The following ZNF469 variants were observed in gnomAD, a reference collection of about 807,000 sequenced individuals.
The protein encoded by ZNF469 is zinc finger protein 469.
In ZNF469, 1 loss-of-function variant was observed where a neutral mutation model predicts 1.0. That is an observed-to-expected ratio of 1.00 (90% confidence interval 0.35 to 4.73). The LOEUF is 4.73. Ranked by LOEUF, ZNF469 falls within the 30% of genes most tolerant of loss-of-function variation. The pLI, the probability that ZNF469 is intolerant of heterozygous loss-of-function variation, is 0.16. For missense variants in ZNF469, 6,100 were observed against 5,356.3 expected, an observed-to-expected ratio of 1.14 and a Z score of -4.33; for synonymous variants, 2,703 against 2,363.4, an observed-to-expected ratio of 1.14 and a Z score of -4.17.
the ZNF469 span, among the ~76,000 whole-genome samples, chr16:88,253,606 C>T: frequency 4.3e-4 from 65 of 150,898 alleles, no homozygotes; most frequent in African/African-American, 1.1e-3. Flanking sequence ...GGAGTGATCT[C>T]GGCTCACTGC....
At chr16:88,341,470 T>C in the ZNF469 span, among the ~76,000 whole-genome samples, 1 of 152,206 alleles carries the variant, frequency 6.6e-6, no homozygotes, top group African/African-American at 2.4e-5. Flanking sequence ...TGGGCCACCC[T>C]CCAGGTTTCC....
the ZNF469 span, among the ~76,000 whole-genome samples, chr16:88,185,810 C>T: frequency 2.7e-4 from 41 of 150,756 alleles, no homozygotes; most frequent in African/African-American, 4.9e-4. Flanking sequence ...CGCACACACA[C>T]GCATACACGT....
At chr16:88,122,759 G>A in the ZNF469 span, among the ~76,000 whole-genome samples, 2 of 151,370 alleles carry the variant, frequency 1.3e-5, no homozygotes, top group East Asian at 3.9e-4. Flanking sequence ...TATACTTTAG[G>A]TATATATTCT....
chr16:88,127,080 C>G, the ZNF469 span, among the ~76,000 whole-genome samples: 1 of 152,208 alleles, frequency 6.6e-6, no homozygotes, highest in Admixed American at 6.5e-5. Flanking sequence ...GCCTCGGCCT[C>G]CCACAGTGCT....
chr16:88,125,694 G>C, the ZNF469 span, among the ~76,000 whole-genome samples: 1 of 152,232 alleles, frequency 6.6e-6, no homozygotes, highest in African/African-American at 2.4e-5. Context: ...AGAGAAATCA[G>C]AGTATAGTAG....
At chr16:88,378,396 G>A (rs1192535968), upstream of ZNF469, among the ~76,000 whole-genome samples, 5 of 152,176 alleles carry the variant, frequency 3.3e-5, no homozygotes, top group African/African-American at 7.2e-5. Context: ...CAGCCAGGTC[G>A]CACGTTCTTG....
chr16:88,123,069 G>T, the ZNF469 span, among the ~76,000 whole-genome samples: 3 of 152,228 alleles, frequency 2.0e-5, no homozygotes, highest in East Asian at 5.8e-4. Flanking sequence ...TTTGCTAAAT[G>T]ATTTTAGTGG....
intron 1 of ZNF469, among the ~76,000 whole-genome samples, chr16:88,391,923 G>A (rs1369781371): frequency 6.6e-6 from 1 of 152,290 alleles, no homozygotes; most frequent in South Asian, 2.1e-4. Context: ...ATGTAATAAA[G>A]TATAATGTAA....
At chr16:88,140,672 C>A in the ZNF469 span, among the ~76,000 whole-genome samples, 2 of 152,196 alleles carry the variant, frequency 1.3e-5, no homozygotes, top group Non-Finnish European at 2.9e-5. Context: ...TGGCTCAGGC[C>A]TGTAATCCCA....
chr16:88,139,047 A>G, the ZNF469 span, among the ~76,000 whole-genome samples: 1 of 152,250 alleles, frequency 6.6e-6, no homozygotes, highest in Non-Finnish European at 1.5e-5. Context: ...GCAACATTTT[A>G]AGTCCATAGA....
chr16:88,130,302 G>A, the ZNF469 span, among the ~76,000 whole-genome samples: 22,701 of 152,054 alleles, frequency 0.15, 2,289 homozygotes, highest in East Asian at 0.52. Context: ...ACCGCACGCC[G>A]CAGACAGCCG....
At chr16:88,361,692 T>C in the ZNF469 span, among the ~76,000 whole-genome samples, 7 of 152,122 alleles carry the variant, frequency 4.6e-5, no homozygotes, top group Middle Eastern at 0.01. Flanking sequence ...TCATGAGCAC[T>C]GGTTTCTTTT....
the ZNF469 span, among the ~76,000 whole-genome samples, chr16:88,120,554 G>A: frequency 1.3e-5 from 2 of 152,350 alleles, no homozygotes; most frequent in African/African-American, 2.4e-5. Context: ...TGCTGGACCC[G>A]CAGCGTGAGC....
chr16:88,380,098 C>G (rs939759692), upstream of ZNF469, among the ~76,000 whole-genome samples: 4 of 151,696 alleles, frequency 2.6e-5, no homozygotes, highest in African/African-American at 9.7e-5. Flanking sequence ...CACAAATGCA[C>G]TCACAGACAT....
the ZNF469 span, among the ~76,000 whole-genome samples, chr16:88,132,711 C>T: frequency 3.9e-5 from 6 of 152,338 alleles, no homozygotes; most frequent in Admixed American, 1.3e-4. Context: ...GACATAAGTG[C>T]GGCTCTCCTG....
At chr16:88,264,825 C>T in the ZNF469 span, among the ~76,000 whole-genome samples, 6 of 152,240 alleles carry the variant, frequency 3.9e-5, no homozygotes, top group African/African-American at 7.2e-5. Context: ...CTCGCACCCT[C>T]GCGCCAGGCA....
the ZNF469 span, among the ~76,000 whole-genome samples, chr16:88,151,438 G>A: frequency 2.6e-5 from 4 of 152,210 alleles, no homozygotes; most frequent in African/African-American, 9.6e-5. This position sits in a 1 kb window ranked among gnomAD's most constrained non-coding sequence, Gnocchi z 5.4. Context: ...GGACAGAAAT[G>A]GCCGCAGACT....
At chr16:88,380,375 TCA>T (rs1228664104), upstream of ZNF469, among the ~76,000 whole-genome samples, 5 of 49,256 alleles carry the variant, frequency 1.0e-4, no homozygotes, top group African/African-American at 6.5e-4. Context: ...AGACATGCAC[TCA>T]CACGCACTCA....
At chr16:88,148,986 ACAT>A in the ZNF469 span, among the ~76,000 whole-genome samples, 3 of 152,112 alleles carry the variant, frequency 2.0e-5, no homozygotes, top group Non-Finnish European at 1.5e-5. Context: ...CCACCATATC[ACAT>A]CCTCAAGGGT....
Sources: gnomAD v4.1 joint callset for allele counts (sites outside exome capture counted in the v4.1 genomes callset) on GRCh38, gnomAD v4.1.1 for gene constraint, Gnocchi (gnomAD v3.1) non-coding constraint, MANE v1.5 for transcripts, NCBI Gene and HGNC (gene_info 2026-07-23, HGNC 2026-07-21) for gene names.